The following WDFY2 variants were observed in gnomAD, a reference collection of about 807,000 sequenced individuals.
WDFY2 encodes WD repeat and FYVE domain containing 2.
A neutral mutation model predicts 56.4 loss-of-function variants in WDFY2; 36 were observed. That is an observed-to-expected ratio of 0.64 (90% CI 0.49 to 0.84). WDFY2 has a LOEUF of 0.84. Ranked by LOEUF, WDFY2 falls within the 40% of genes least tolerant of loss-of-function variation. The pLI is 0.00. For synonymous variants in WDFY2, 176 were observed against 183.7 expected (o/e 0.96, Z 0.34); for missense variants, 444 against 512.2 (o/e 0.87, Z 1.29).
In WDFY2 at chr13:51,699,451, C is replaced by T. The variant is rs532749394; in HGVS notation, c.280-4145C>T. Among the ~76,000 whole-genome samples the T allele has an allele frequency of 3.3e-5, 5 of 152,240 alleles. No individual in the cohort carries two copies. The East Asian group carries it at 5.8e-4, about 18-fold the overall frequency. On this transcript the variant is annotated intron_variant, in intron 3 of 11. Transcript: ENST00000298125. Reference sequence around the variant, plus strand: ...TGCTTTGCTTTACCCTCACTGCTGCCGATATTGCACCTTCAAATAAAGCAT... The same window carrying T: ...TGCTTTGCTTTACCCTCACTGCTGCTGATATTGCACCTTCAAATAAAGCAT...
At chr13:51,625,649 C>T (rs1223931450) in intron 1 of WDFY2, among the ~76,000 whole-genome samples, 1 of 152,162 alleles carries the variant, frequency 6.6e-6, no homozygotes, top group Non-Finnish European at 1.5e-5. Flanking sequence ...ACAAAGGTGG[C>T]AGTCATGTAT....
At chr13:51,718,291 G>A (rs949639923) in intron 4 of WDFY2, among the ~76,000 whole-genome samples, 1 of 152,102 alleles carries the variant, frequency 6.6e-6, no homozygotes, top group Non-Finnish European at 1.5e-5. Context: ...TTCAGTGACT[G>A]CAGATGCCCT....
intron 7 of WDFY2, among the ~76,000 whole-genome samples, chr13:51,741,635 A>C (rs563109723): frequency 6.6e-6 from 1 of 152,352 alleles, no homozygotes; most frequent in East Asian, 1.9e-4. Context: ...GCTGGCATTC[A>C]GTGATTCTCG....
At chr13:51,736,960 A>G (rs971736421) in intron 6 of WDFY2, among the ~76,000 whole-genome samples, 1 of 152,168 alleles carries the variant, frequency 6.6e-6, no homozygotes, top group Non-Finnish European at 1.5e-5. Context: ...AGCCTTTCTA[A>G]TCATTCTTTT....
chr13:51,645,038 A>T (rs1400899353), intron 1 of WDFY2, among the ~76,000 whole-genome samples: 2 of 152,206 alleles, frequency 1.3e-5, no homozygotes, highest in Non-Finnish European at 2.9e-5. Flanking sequence ...TATTACAAGT[A>T]ATTAAAGAAA....
At chr13:51,702,086 C>T (rs554876984) in intron 3 of WDFY2, among the ~76,000 whole-genome samples, 4 of 152,082 alleles carry the variant, frequency 2.6e-5, no homozygotes, top group East Asian at 1.9e-4. Context: ...CCGAGGTGGG[C>T]GGATCACCTG....
intron 5 of WDFY2, 24 bp from the exon 6 acceptor site, chr13:51,727,654 C>T: frequency 6.3e-7 from 1 of 1,598,806 alleles, no homozygotes; most frequent in Non-Finnish European, 8.5e-7. Flanking sequence ...TTTTGAGAAA[C>T]AATCCTTAAT....
intron 1 of WDFY2, chr13:51,589,896 T>C (rs1444552274): frequency 6.6e-6 from 1 of 152,180 alleles, no homozygotes; most frequent in Non-Finnish European, 1.5e-5. Flanking sequence ...ATTAGACCTT[T>C]ACTCCGAATT....
intron 8 of WDFY2, chr13:51,753,240 C>G (rs7328589): frequency 0.092 from 14,064 of 152,172 alleles, 965 homozygotes; most frequent in East Asian, 0.3. Context: ...TAGGTTGATG[C>G]AGTGCATTAA....
intron 3 of WDFY2, among the ~76,000 whole-genome samples, chr13:51,686,381 T>A (rs1956063048): frequency 6.6e-6 from 1 of 152,168 alleles, no homozygotes; most frequent in Admixed American, 6.5e-5. Context: ...GCAGAAATTA[T>A]ATTCATTTCA....
chr13:51,694,562 G>A (rs1951820723), intron 3 of WDFY2, among the ~76,000 whole-genome samples: 1 of 152,212 alleles, frequency 6.6e-6, no homozygotes, highest in African/African-American at 2.4e-5. Context: ...CTGTTAGTCT[G>A]ATGGGCTTCC....
intron 1 of WDFY2, among the ~76,000 whole-genome samples, chr13:51,636,397 G>A (rs1005604551): frequency 1.3e-5 from 2 of 152,194 alleles, no homozygotes; most frequent in African/African-American, 4.8e-5. Context: ...CCTGGGAAGT[G>A]CCAGTTCTAG....
chr13:51,705,918 C>T (rs905204326), intron 4 of WDFY2, among the ~76,000 whole-genome samples: 1 of 151,980 alleles, frequency 6.6e-6, no homozygotes, highest in Non-Finnish European at 1.5e-5. Context: ...TTTAGAAATC[C>T]CAGTTGTCAT....
intron 4 of WDFY2, 82 bp downstream of exon 4, chr13:51,703,732 C>T: frequency 8.6e-7 from 1 of 1,162,044 alleles, no homozygotes; most frequent in South Asian, 1.4e-5. Flanking sequence ...AGAATACATA[C>T]TTTACAATCA....
chr13:51,608,938 A>G (rs1428017530), intron 1 of WDFY2, among the ~76,000 whole-genome samples: 1 of 152,058 alleles, frequency 6.6e-6, no homozygotes, highest in Non-Finnish European at 1.5e-5. Flanking sequence ...CAATGCTTAA[A>G]TGAACTCTCT....
chr13:51,641,856 A>AAAT (rs1955173707), intron 1 of WDFY2, among the ~76,000 whole-genome samples: 1 of 137,840 alleles, frequency 7.3e-6, no homozygotes, highest in Non-Finnish European at 1.6e-5. Flanking sequence ...AAAAAAAAAT[A>AAAT]TTTTGTCTAA....
chr13:51,758,552 TAAAAAAAAAAA>T (rs35383381), intron 11 of WDFY2, among the ~76,000 whole-genome samples: 7 of 127,722 alleles, frequency 5.5e-5, no homozygotes. Flanking sequence ...CCTCATCTCT[TAAAAAAAAAAA>T]AAAAAAAAAG....
intron 1 of WDFY2, among the ~76,000 whole-genome samples, chr13:51,613,336 C>T (rs897112350): frequency 6.6e-6 from 1 of 152,164 alleles, no homozygotes; most frequent in Admixed American, 6.5e-5. Context: ...GGACCTCTGT[C>T]GAGGGCTCAA....
At chr13:51,634,285 G>C (rs1955006172) in intron 1 of WDFY2, among the ~76,000 whole-genome samples, 1 of 151,048 alleles carries the variant, frequency 6.6e-6, no homozygotes. Context: ...TTCAGAAGTA[G>C]TGGATGAAAA....
Sources: gnomAD v4.1 joint callset for allele counts (sites outside exome capture counted in the v4.1 genomes callset) on GRCh38, gnomAD v4.1.1 for gene constraint, MANE v1.5 for transcripts, NCBI Gene and HGNC (gene_info 2026-07-23, HGNC 2026-07-21) for gene names.